SDK2: variants seen among roughly 807,000 people sequenced by gnomAD.
The protein encoded by SDK2 is sidekick cell adhesion molecule 2, also known as protein sidekick-2.
SDK2 carries 105 observed loss-of-function variants against 253.9 expected under a neutral mutation model. The ratio of observed to expected loss-of-function variants is 0.41; its 90% CI spans 0.35 to 0.49. SDK2 has a LOEUF of 0.49. Ranked by LOEUF, SDK2 falls within the 20% of genes least tolerant of loss-of-function variation. The pLI, the probability that SDK2 is intolerant of heterozygous loss-of-function variation, is 0.06. For missense variants in SDK2, 2,608 were observed against 3,003.0 expected (o/e 0.87, Z 3.07); for synonymous variants, 1,249 against 1,234.9 (o/e 1.01, Z -0.24).
Position 73,643,968 on chromosome 17 carries a change from C to CAACCCCCCCCCCAAA in SDK2, c.64+56_64+57insTTTGGGGGGGGGGTT. On this transcript the variant is annotated intron_variant, in intron 1 of 44. Transcript: ENST00000392650. This position sits in a 1 kb window ranked among gnomAD's most constrained non-coding sequence, Gnocchi z 6.9. ...TGAGGCCGGCCAGCTCCCGCCGCCC[C>CAACCCCCCCCCCAAA]TCCCCCGCCCACTCTCCCAGCCCCC... 1.1e-6 allele frequency: 1 copy of CAACCCCCCCCCCAAA among 944,392 alleles called. No individual in the cohort carries two copies. Among genetic ancestry groups the CAACCCCCCCCCCAAA allele is most frequent in the East Asian group, 2.8e-5 (1 of 36,170 alleles). The allele number at this position is 944,392 out of a possible 1,614,324, so 58.5% of individuals were successfully genotyped here. A position where few individuals can be genotyped will look rare whatever the true frequency, so the allele number is the denominator to read the frequency against.
chr17:73,543,429 G>A (rs1427522317), intron 1 of SDK2, among the ~76,000 whole-genome samples: 1 of 152,222 alleles, frequency 6.6e-6, no homozygotes, highest in Non-Finnish European at 1.5e-5. Context: ...GTGTGGCACA[G>A]CCCATCCCTA....
intron 2 of SDK2, among the ~76,000 whole-genome samples, chr17:73,500,541 T>TC (rs2063882038): frequency 6.9e-6 from 1 of 144,666 alleles, no homozygotes; most frequent in African/African-American, 2.6e-5. Context: ...CCATCCCCCC[T>TC]CAGTTCTCCT....
chr17:73,342,383 G>A (rs1568357554), intron 44 of SDK2, among the ~76,000 whole-genome samples: 1 of 152,168 alleles, frequency 6.6e-6, no homozygotes, highest in Admixed American at 6.5e-5. Flanking sequence ...ACAAAGAGGG[G>A]GCACAGGCAG....
At position 73,430,604 on chromosome 17, in the gene SDK2, C is replaced by A; in HGVS notation, c.1490G>T (p.Arg497Leu). 1.9e-6 allele frequency: 3 copies of A among 1,563,070 alleles called. No homozygotes were observed. The highest frequency in any genetic ancestry group is 1.2e-5 in the South Asian group (1 of 84,686). Residue 497 changes from arginine (R) to leucine (L), a missense_variant, in exon 12 of 45, where the codon CGC becomes CTC. Arg to Leu is a moderately radical substitution (Grantham distance 102). This residue lies in a region of SDK2 where 1,505 missense variants were observed against 1,859.1 expected (regional missense o/e 0.81). Coordinates refer to ENST00000392650, the MANE Select transcript of SDK2 (RefSeq NM_001144952.2). ...SADLVVWART[R>L]ITKPPQDQSV... The stretch of plus-strand genomic sequence containing the variant: ...CTGATCCTGGGGGGGCTTGGTGATG[C>A]GGGTCCGAGCTGAAAGATACAGCGG...
chr17:73,424,064 G>C lies in SDK2; in HGVS notation c.1612C>G (p.Leu538Val). Residue 538 changes from leucine to valine, a missense_variant, in exon 13 of 45, where the codon CTG becomes GTG. Physicochemically the swap from Leu to Val is conservative, Grantham distance 32. Transcript: ENST00000392650. The part of the protein sequence containing the change: ...RYIWEKDGAT[L>V]GTESHPRIRL... ...ATACGAGGATGGCTCTCCGTGCCCA[G>C]GGTGGCCCCGTCCTTCTCCCAGATG... 1 of 1,612,794 alleles carries C rather than the reference G, an allele frequency of 6.2e-7. No individual in the cohort carries two copies. The highest frequency in any genetic ancestry group is 8.5e-7 in the Non-Finnish European group (1 of 1,179,664).
chr17:73,623,776 G>T (rs549228076), intron 1 of SDK2, among the ~76,000 whole-genome samples: 1 of 152,098 alleles, frequency 6.6e-6, no homozygotes, highest in Non-Finnish European at 1.5e-5. Flanking sequence ...GGACTGCTCT[G>T]CCCGTTTCCC....
At chr17:73,524,756 G>C (rs2064111847) in intron 1 of SDK2, among the ~76,000 whole-genome samples, 1 of 152,166 alleles carries the variant, frequency 6.6e-6, no homozygotes, top group Admixed American at 6.5e-5. Flanking sequence ...TTACACACAT[G>C]GTCAGTGTAG....
At chr17:73,343,986 C>T (rs1290263201) in intron 44 of SDK2, among the ~76,000 whole-genome samples, 2 of 152,186 alleles carry the variant, frequency 1.3e-5, no homozygotes, top group Non-Finnish European at 1.5e-5. Flanking sequence ...AGCCTGAAGC[C>T]GGCAGCGCAT....
chr17:73,499,071 G>A (rs912139909), intron 2 of SDK2, among the ~76,000 whole-genome samples: 1 of 152,236 alleles, frequency 6.6e-6, no homozygotes, highest in African/African-American at 2.4e-5. Context: ...TGCCATGCCT[G>A]TGCTCCCGTG....
chr17:73,509,621 C>T (rs1456971133), intron 1 of SDK2, among the ~76,000 whole-genome samples: 2 of 138,406 alleles, frequency 1.4e-5, no homozygotes, highest in African/African-American at 5.7e-5. Context: ...GAGACCCCCT[C>T]TTCACCAAAA....
Position 73,368,560 on chromosome 17 carries a change from TGA to T in SDK2, c.5012_5013del (p.Leu1671HisfsTer11), listed in dbSNP as rs1364302595. 1 of 1,602,658 alleles carries T rather than the reference TGA, an allele frequency of 6.2e-7. No homozygotes were observed. The highest frequency in any genetic ancestry group is 1.7e-5 in the Admixed American group (1 of 58,018). ...IYFWEAQRGN[L>X]TERVKTLFLA... ...AGGAAAAGCGTCTTCACTCGCTCTG[TGA>T]GGTTCCCCCGCTGGGCTTCCCAGAA... On this transcript the variant is annotated frameshift_variant, in exon 37 of 45. Coordinates refer to ENST00000392650, the MANE Select transcript of SDK2 (RefSeq NM_001144952.2). LOFTEE classifies it high-confidence loss of function.
In SDK2 at chr17:73,366,177, C is replaced by T. The variant is rs548094505; in HGVS notation, c.5168-782G>A. ...CTCCAGCCCCAGGAGGCAGAGTCAG[C>T]GAGTGTCTTTGAAGGAGGGAGGTGA... On this transcript the variant is annotated intron_variant, in intron 37 of 44. Coordinates refer to ENST00000392650, the MANE Select transcript of SDK2 (RefSeq NM_001144952.2). Among the ~76,000 whole-genome samples the T allele has an allele frequency of 4.6e-5, 7 of 152,290 alleles. No individual in the cohort carries two copies. In the East Asian group the frequency reaches 1.4e-3, roughly 29 times the overall value.
chr17:73,408,252 C>T (rs901537944), intron 18 of SDK2, among the ~76,000 whole-genome samples: 4 of 147,438 alleles, frequency 2.7e-5, no homozygotes, highest in African/African-American at 1.0e-4. Context: ...GAGTCTCGCT[C>T]TGTCACCCAG....
intron 12 of SDK2, among the ~76,000 whole-genome samples, chr17:73,427,070 G>A (rs1171798136): frequency 6.6e-6 from 1 of 152,022 alleles, no homozygotes; most frequent in Non-Finnish European, 1.5e-5. Flanking sequence ...GGGTGACAGA[G>A]CGAGACTCCA....
rs918049608 is a variant in SDK2, at chr17:73,514,031, T to A, written c.65-6434A>T. 2.3e-4 allele frequency among the ~76,000 whole-genome samples: 35 copies of A among 152,222 alleles called. 1 individual carries two copies. Among genetic ancestry groups the A allele is most frequent in the African/African-American group, 2.4e-5 (1 of 41,444 alleles). On this transcript the variant is annotated intron_variant, in intron 1 of 44. Coordinates refer to ENST00000392650, the MANE Select transcript of SDK2 (RefSeq NM_001144952.2). ...TTCACTCTATACCTTTGTGTAACAT[T>A]GATATTGTGGACCACAGGTATGAAT...
rs2063839656 is a variant in SDK2 at position 73,496,064 on chromosome 17, A to C, written c.224+11374T>G. Among the ~76,000 whole-genome samples the C allele has an allele frequency of 6.6e-6, 1 of 152,126 alleles. No individual in the cohort carries two copies. The highest frequency in any genetic ancestry group is 2.4e-5 in the African/African-American group (1 of 41,430). On this transcript the variant is annotated intron_variant, in intron 2 of 44. Coordinates refer to ENST00000392650, the MANE Select transcript of SDK2 (RefSeq NM_001144952.2). The surrounding 1 kb of genome is among the most constrained non-coding windows in gnomAD (Gnocchi z 4.7). ...GCCTCATTGAGGAAAAGGAACCTGG[A>C]CTTCCCGGGAGGGTGGGAAGGAACC... is the stretch of plus-strand genomic sequence containing the variant.
chr17:73,358,126 G>A lies in SDK2; in HGVS notation c.5546C>T (p.Pro1849Leu), dbSNP rs370149165. 36 of 1,613,410 alleles carry A rather than the reference G, an allele frequency of 2.2e-5. No individual in the cohort carries two copies. Among genetic ancestry groups the A allele is most frequent in the Middle Eastern group, 1.7e-4 (1 of 6,052 alleles). ...GTAGCGGGTGATGGGCCCTTTGCCCGGGTCTCCGCTGGACCAGTGAATGGC... is the reference window on the plus strand; with the variant it reads ...GTAGCGGGTGATGGGCCCTTTGCCCAGGTCTCCGCTGGACCAGTGAATGGC... ...AIAIHWSSGDPGKGPITRYVI... is the reference protein window; with the variant it reads ...AIAIHWSSGDLGKGPITRYVI... The change falls in exon 40 of 45, where the codon CCG becomes CTG. Residue 1849 changes from proline (P) to leucine (L), a missense_variant. Around this residue, in one of 2 missense-constraint regions of SDK2, gnomAD observed 1,103 missense variants for 1,143.9 expected, o/e 0.96. Coordinates refer to ENST00000392650, the MANE Select transcript of SDK2 (RefSeq NM_001144952.2).
chr17:73,344,711 C>A (rs916715899), intron 44 of SDK2, among the ~76,000 whole-genome samples: 1 of 152,146 alleles, frequency 6.6e-6, no homozygotes, highest in African/African-American at 2.4e-5. Context: ...CTTTGGGCTG[C>A]GAGGATCTGG....
intron 1 of SDK2, among the ~76,000 whole-genome samples, chr17:73,610,401 A>T (rs953710220): frequency 3.9e-5 from 6 of 152,204 alleles, no homozygotes; most frequent in Non-Finnish European, 7.3e-5. Flanking sequence ...AGGGGGAAAA[A>T]AATCAATCAA....
Sources: gnomAD v4.1 joint callset for allele counts (sites outside exome capture counted in the v4.1 genomes callset) on GRCh38, gnomAD v4.1.1 for gene constraint, gnomAD v4.1.1 regional missense constraint, Gnocchi (gnomAD v3.1) non-coding constraint, MANE v1.5 for transcripts, NCBI Gene and HGNC (gene_info 2026-07-23, HGNC 2026-07-21) for gene names.